Variants in XPO4 observed in about 807,000 individuals in gnomAD.
XPO4 encodes the protein exportin-4.
In XPO4, 39 loss-of-function variants were observed where a neutral mutation model predicts 143.0. That is an observed-to-expected ratio of 0.27 (90% CI 0.21 to 0.36). XPO4 has a LOEUF of 0.36. XPO4 is among the 10% of genes least tolerant of loss of function. The probability of loss-of-function intolerance (pLI) is 1.00; values close to 1 mark genes in which losing one functional copy is unlikely to be tolerated. For synonymous variants in XPO4, 439 were observed against 474.0 expected, an observed-to-expected ratio of 0.93 and a Z score of 0.96; for missense variants, 907 against 1,348.0, an observed-to-expected ratio of 0.67 and a Z score of 5.12.
rs150484862 is a variant in XPO4 at position 20,783,381 on chromosome 13, T to C, written c.*341A>G. On this transcript the variant is annotated 3_prime_UTR_variant, in exon 23 of 23. Transcript: ENST00000255305. ...ATTTAATGACAAAAATTCTAAACTT[T>C]GGCTAGCCACCTATGTTAAAAGGAA... The C allele has an allele frequency of 2.9e-3, 763 of 265,812 alleles. 11 individuals carry two copies. The highest frequency in any genetic ancestry group is 0.016 in the African/African-American group (717 of 44,814). The allele number at this position is 265,812 out of a possible 1,614,324, so 16.5% of individuals were successfully genotyped here.
chr13:20,884,025 T>G (rs746548905), intron 1 of XPO4, among the ~76,000 whole-genome samples: 4 of 152,042 alleles, frequency 2.6e-5, no homozygotes, highest in Admixed American at 1.3e-4. Flanking sequence ...CTCAGCCTCC[T>G]GAAGTGCTGC....
chr13:20,900,149 G>A (rs1023845639), intron 1 of XPO4, among the ~76,000 whole-genome samples: 2 of 152,206 alleles, frequency 1.3e-5, no homozygotes, highest in African/African-American at 4.8e-5. Flanking sequence ...CACTTTGGGA[G>A]GCCGAGGCAG....
At chr13:20,796,389 C>G in intron 17 of XPO4, 133 bp from the exon 18 acceptor site, 1 of 686,426 alleles carries the variant, frequency 1.5e-6, no homozygotes, top group Middle Eastern at 4.6e-4. Flanking sequence ...TACATTAAAA[C>G]AATAATTTCT....
intron 16 of XPO4, 88 bp downstream of exon 16, chr13:20,799,077 T>C (rs554106658): frequency 2.9e-5 from 35 of 1,218,884 alleles, no homozygotes; most frequent in East Asian, 1.2e-4. Flanking sequence ...GATACATTTA[T>C]GTCTCCAGAG....
intron 19 of XPO4, 69 bp downstream of exon 19, chr13:20,790,393 T>C: frequency 8.4e-7 from 1 of 1,196,814 alleles, no homozygotes; most frequent in Non-Finnish European, 1.2e-6. Flanking sequence ...ACAGATATAT[T>C]CTTGTCTAAA....
intron 15 of XPO4, 72 bp downstream of exon 15, chr13:20,800,084 A>T: frequency 3.9e-6 from 6 of 1,557,902 alleles, no homozygotes; most frequent in Non-Finnish European, 5.2e-6. Flanking sequence ...TCAAAGGACT[A>T]CACTAAGAAG....
At chr13:20,893,536 G>A (rs1455118580) in intron 1 of XPO4, among the ~76,000 whole-genome samples, 3 of 152,058 alleles carry the variant, frequency 2.0e-5, no homozygotes, top group African/African-American at 4.8e-5. Flanking sequence ...TCAGGAGTTC[G>A]AGACCAGTCT....
rs566069302 is a variant in XPO4 at position 20,793,069 on chromosome 13, C to T, written c.2798-2489G>A. ...CCTCCCAAAGTGCTGGGATTACAGG[C>T]GTGAGCCACCACACCCGGCGCAGTT... is the stretch of plus-strand genomic sequence containing the variant. On this transcript the variant is annotated intron_variant, in intron 18 of 22. Coordinates refer to ENST00000255305, the MANE Select transcript of XPO4 (RefSeq NM_022459.5). Among the ~76,000 whole-genome samples, 11 of 152,276 alleles carry T rather than the reference C, an allele frequency of 7.2e-5. No homozygotes were observed. In the South Asian group the frequency reaches 2.3e-3, roughly 32 times the overall value.
chr13:20,891,863 CAA>C (rs61114008), intron 1 of XPO4, among the ~76,000 whole-genome samples: 15 of 129,168 alleles, frequency 1.2e-4, no homozygotes, highest in South Asian at 2.5e-4. Context: ...ACTCCATCTC[CAA>C]AAAAAAAAAA....
At chr13:20,893,062 G>GACAGGAC (rs1230947803) in intron 1 of XPO4, among the ~76,000 whole-genome samples, 1 of 152,014 alleles carries the variant, frequency 6.6e-6, no homozygotes, top group African/African-American at 2.4e-5. Context: ...GAGGCCCTGT[G>GACAGGAC]ACAGGACACA....
intron 1 of XPO4, among the ~76,000 whole-genome samples, chr13:20,887,603 C>T (rs2060472910): frequency 6.6e-6 from 1 of 152,060 alleles, no homozygotes; most frequent in Non-Finnish European, 1.5e-5. Context: ...GCCTGTAATC[C>T]CAGCACTTTG....
chr13:20,850,761 T>TTTTG, intron 4 of XPO4: 3 of 981,450 alleles, frequency 3.1e-6, no homozygotes, highest in Non-Finnish European at 3.6e-6. Flanking sequence ...CGAGGCCCTG[T>TTTTG]TTCTAAAACA....
chr13:20,901,522 G>A (rs577773649), intron 1 of XPO4, among the ~76,000 whole-genome samples: 1 of 152,320 alleles, frequency 6.6e-6, no homozygotes, highest in South Asian at 2.1e-4. Flanking sequence ...TTGCAAAAGT[G>A]TGAAAACCTT....
At chr13:20,795,951 G>A (rs2059352596) in intron 18 of XPO4, 125 bp downstream of exon 18, 2 of 1,084,182 alleles carry the variant, frequency 1.8e-6, no homozygotes, top group African/African-American at 1.6e-5. Context: ...TGACCACAAA[G>A]ATCTTCTTTC....
chr13:20,871,055 G>A (rs1272896305), intron 1 of XPO4, among the ~76,000 whole-genome samples: 1 of 152,218 alleles, frequency 6.6e-6, no homozygotes, highest in Non-Finnish European at 1.5e-5. Context: ...TGATCTGCCT[G>A]CCTTGGCCTC....
At chr13:20,878,927 T>A (rs529394684) in intron 1 of XPO4, among the ~76,000 whole-genome samples, 1 of 152,342 alleles carries the variant, frequency 6.6e-6, no homozygotes, top group African/African-American at 2.4e-5. Flanking sequence ...CTATTCTCGA[T>A]AGTACAGCTG....
chr13:20,846,501 T>A (rs889409173), intron 4 of XPO4, among the ~76,000 whole-genome samples: 1 of 152,132 alleles, frequency 6.6e-6, no homozygotes, highest in Non-Finnish European at 1.5e-5. Flanking sequence ...ACAGCAAACT[T>A]CCACACTAAT....
intron 3 of XPO4, among the ~76,000 whole-genome samples, chr13:20,857,450 G>A (rs55746205): frequency 7.9e-5 from 12 of 152,162 alleles, no homozygotes; most frequent in Non-Finnish European, 1.5e-4. Flanking sequence ...TCAGAAGGCC[G>A]GGCGCAGTGG....
chr13:20,887,249 G>T (rs1004548212), intron 1 of XPO4, among the ~76,000 whole-genome samples: 1 of 152,050 alleles, frequency 6.6e-6, no homozygotes, highest in African/African-American at 2.4e-5. Context: ...GAGGACAGTG[G>T]AGGAAAAGAA....
Sources: allele counts gnomAD v4.1 joint callset (sites outside exome capture counted in the v4.1 genomes callset), GRCh38; gene constraint gnomAD v4.1.1; transcripts MANE v1.5; gene names NCBI Gene and HGNC (gene_info 2026-07-23, HGNC 2026-07-21).